Variants in SUGCT observed in about 807,000 individuals in gnomAD.
SUGCT encodes succinyl-CoA:glutarate CoA-transferase.
A neutral mutation model predicts 55.0 loss-of-function variants in SUGCT; 41 were observed. The ratio of observed to expected loss-of-function variants is 0.74; its 90% CI spans 0.58 to 0.97. The LOEUF (loss-of-function observed/expected upper bound fraction) is 0.97. Among genes scored for constraint, SUGCT ranks in the 50% least tolerant of loss-of-function variants. The probability of loss-of-function intolerance (pLI) is 0.00; values close to 1 mark genes in which losing one functional copy is unlikely to be tolerated. For missense variants in SUGCT, 568 were observed against 547.8 expected (o/e 1.04, Z -0.37); for synonymous variants, 187 against 200.4 (o/e 0.93, Z 0.56).
chr7:40,730,268 A>C (rs1786826158), intron 12 of SUGCT, among the ~76,000 whole-genome samples: 2 of 151,968 alleles, frequency 1.3e-5, no homozygotes, highest in African/African-American at 4.8e-5. Context: ...CCACAGGCCC[A>C]GATAATTTTT....
the SUGCT span, among the ~76,000 whole-genome samples, chr7:40,913,156 G>A: frequency 4.6e-5 from 7 of 151,886 alleles, no homozygotes; most frequent in Admixed American, 2.6e-4. Flanking sequence ...GACTACAGGC[G>A]TGTGCCACCA....
intron 11 of SUGCT, among the ~76,000 whole-genome samples, chr7:40,493,985 A>G (rs1791837565): frequency 6.6e-6 from 1 of 152,204 alleles, no homozygotes; most frequent in Non-Finnish European, 1.5e-5. Flanking sequence ...AGACGCAAAC[A>G]GTGGTCACAA....
chr7:40,678,266 G>A (rs1426627960), intron 12 of SUGCT, among the ~76,000 whole-genome samples: 1 of 152,110 alleles, frequency 6.6e-6, no homozygotes, highest in African/African-American at 2.4e-5. Flanking sequence ...AAGATCTAAG[G>A]TGCTGCTCCT....
intron 9 of SUGCT, among the ~76,000 whole-genome samples, chr7:40,369,442 A>G (rs1340322175): frequency 6.6e-6 from 1 of 152,076 alleles, no homozygotes; most frequent in Non-Finnish European, 1.5e-5. Context: ...CAAATATTCT[A>G]TTCTGCTTCT....
intron 13 of SUGCT, among the ~76,000 whole-genome samples, chr7:40,850,906 A>G (rs1793816887): frequency 6.6e-6 from 1 of 152,224 alleles, no homozygotes; most frequent in Non-Finnish European, 1.5e-5. Context: ...TAAGTTGCTA[A>G]GGTCATCACT....
chr7:40,944,956 T>G, the SUGCT span, among the ~76,000 whole-genome samples: 24 of 152,186 alleles, frequency 1.6e-4, no homozygotes, highest in Admixed American at 1.6e-3. Flanking sequence ...CACTATCTTC[T>G]GTGGGGTTGG....
chr7:40,180,732 G>A (rs528120512), intron 1 of SUGCT, among the ~76,000 whole-genome samples: 18 of 152,110 alleles, frequency 1.2e-4, no homozygotes, highest in African/African-American at 4.1e-4. Context: ...CAGGTGATCC[G>A]CCTGCCTCGG....
chr7:40,918,389 A>T, the SUGCT span, among the ~76,000 whole-genome samples: 6,372 of 147,320 alleles, frequency 0.043, 145 homozygotes, highest in South Asian at 0.076. Context: ...TGAACCCGGG[A>T]GGCAGAGGTT....
At chr7:40,385,771 C>A (rs1460957386) in intron 9 of SUGCT, among the ~76,000 whole-genome samples, 1 of 152,138 alleles carries the variant, frequency 6.6e-6, no homozygotes, top group East Asian at 1.9e-4. Flanking sequence ...TGCTTCAAGT[C>A]TCTTTCTATT....
chr7:40,800,445 C>T (rs986174078), intron 13 of SUGCT, among the ~76,000 whole-genome samples: 6 of 151,974 alleles, frequency 3.9e-5, no homozygotes, highest in East Asian at 1.9e-4. Context: ...CCCGCCATCA[C>T]GCCTGGCTAA....
chr7:40,653,822 T>C (rs56850009), intron 12 of SUGCT, among the ~76,000 whole-genome samples: 5,779 of 152,276 alleles, frequency 0.038, 324 homozygotes, highest in African/African-American at 0.13. Flanking sequence ...AGAAAAATAG[T>C]ATTGTTTTTC....
chr7:40,635,921 G>A (rs1400256700), intron 12 of SUGCT, among the ~76,000 whole-genome samples: 1 of 152,156 alleles, frequency 6.6e-6, no homozygotes, highest in Non-Finnish European at 1.5e-5. Context: ...ATATTCCACA[G>A]CCATATTGTC....
the SUGCT span, among the ~76,000 whole-genome samples, chr7:40,999,990 A>G: frequency 1.3e-5 from 2 of 152,198 alleles, no homozygotes; most frequent in African/African-American, 4.8e-5. Flanking sequence ...AGTTGGCCCC[A>G]TCCAACAGTC....
At chr7:40,702,948 T>C (rs1204748718) in intron 12 of SUGCT, among the ~76,000 whole-genome samples, 2 of 152,218 alleles carry the variant, frequency 1.3e-5, no homozygotes, top group Admixed American at 6.5e-5. Context: ...AGAACTGTTA[T>C]ACCAGTCCTG....
intron 8 of SUGCT, among the ~76,000 whole-genome samples, chr7:40,313,081 C>A (rs1230598409): frequency 6.6e-6 from 1 of 152,122 alleles, no homozygotes; most frequent in Non-Finnish European, 1.5e-5. Flanking sequence ...ATTTTGACCA[C>A]CCCATTGGTT....
intron 13 of SUGCT, among the ~76,000 whole-genome samples, chr7:40,796,445 T>C (rs1456108280): frequency 6.6e-6 from 1 of 152,146 alleles, no homozygotes; most frequent in Non-Finnish European, 1.5e-5. Flanking sequence ...ATTAGAGAAT[T>C]AACGATGATG....
chr7:40,591,244 A>G (rs1255019532), intron 12 of SUGCT, among the ~76,000 whole-genome samples: 1 of 152,246 alleles, frequency 6.6e-6, no homozygotes, highest in East Asian at 1.9e-4. Flanking sequence ...ACCAGCATGC[A>G]TGGATGACTT....
chr7:40,962,938 T>C, the SUGCT span, among the ~76,000 whole-genome samples: 7,706 of 152,096 alleles, frequency 0.051, 290 homozygotes, highest in South Asian at 0.16. Flanking sequence ...TGGAGATGAG[T>C]TTATTTCCAG....
chr7:40,330,994 G>T (rs953221566), intron 9 of SUGCT, among the ~76,000 whole-genome samples: 3 of 151,642 alleles, frequency 2.0e-5, no homozygotes, highest in Admixed American at 1.3e-4. Flanking sequence ...ACTTCCCTGC[G>T]CCACATTGAA....
Sources: allele counts gnomAD v4.1 joint callset (sites outside exome capture counted in the v4.1 genomes callset), GRCh38; gene constraint gnomAD v4.1.1; transcripts MANE v1.5; gene names NCBI Gene and HGNC (gene_info 2026-07-23, HGNC 2026-07-21).